Variants in RBFOX1 observed in about 807,000 individuals in gnomAD.
The protein encoded by RBFOX1 is RNA binding fox-1 homolog 1.
A neutral mutation model predicts 57.7 loss-of-function variants in RBFOX1; 8 were observed. That is an observed-to-expected ratio of 0.14 (90% CI 0.08 to 0.25). The LOEUF is 0.25. Among genes scored for constraint, RBFOX1 ranks in the 10% least tolerant of loss-of-function variants. RBFOX1 has a pLI of 1.00. For synonymous variants in RBFOX1, 326 were observed against 222.4 expected (o/e 1.47, Z -4.15); for missense variants, 611 against 548.5 (o/e 1.11, Z -1.14).
chr16:5,801,858 G>A (rs2055067512), intron 3 of RBFOX1, among the ~76,000 whole-genome samples: 1 of 152,156 alleles, frequency 6.6e-6, no homozygotes, highest in Non-Finnish European at 1.5e-5. Flanking sequence ...CAGTTTTGCT[G>A]GTTATGGAAG....
At chr16:7,430,180 G>A (rs28656821) in intron 4 of RBFOX1, among the ~76,000 whole-genome samples, 3,908 of 152,226 alleles carry the variant, frequency 0.026, 158 homozygotes, top group African/African-American at 0.088. Flanking sequence ...AAATATTTTT[G>A]GATAAATAAT....
chr16:5,637,262 G>A (rs948324517), intron 3 of RBFOX1, among the ~76,000 whole-genome samples: 4 of 152,146 alleles, frequency 2.6e-5, no homozygotes, highest in Admixed American at 2.0e-4. Context: ...TTGGGCCATC[G>A]TACAAGGTGG....
chr16:7,664,813 C>A (rs141719602), intron 12 of RBFOX1, 116 bp from the exon 13 acceptor site: 1 of 1,581,076 alleles, frequency 6.3e-7, no homozygotes, highest in Non-Finnish European at 8.7e-7. Flanking sequence ...AAACGATCCT[C>A]GGTTCCTGTG....
chr16:5,334,445 T>G (rs1467399936), intron 1 of RBFOX1, among the ~76,000 whole-genome samples: 1 of 152,088 alleles, frequency 6.6e-6, no homozygotes, highest in African/African-American at 2.4e-5. Context: ...ATTCTCTCTC[T>G]GGGGTTGTCT....
At chr16:6,444,344 T>G (rs1443107953) in intron 2 of RBFOX1, among the ~76,000 whole-genome samples, 1 of 152,168 alleles carries the variant, frequency 6.6e-6, no homozygotes, top group African/African-American at 2.4e-5. Context: ...ATGGTTTGGC[T>G]GTGACCCCAC....
rs1034337950 is a variant in RBFOX1 at position 7,221,363 on chromosome 16, ATTTT to A, written c.27+169269_27+169272del. 8.2e-3 allele frequency among the ~76,000 whole-genome samples: 1,205 copies of A among 146,516 alleles called. 6 individuals are homozygous for A. The highest frequency in any genetic ancestry group is 0.021 in the Middle Eastern group (6 of 292). On this transcript the variant is annotated intron_variant, in intron 4 of 15. Transcript: ENST00000550418. ...TATTTGATTATTTATTTATTTATTTATTTTTTTATTTATTTATTTATGAGACAGA... is the reference window on the plus strand; with the variant it reads ...TATTTGATTATTTATTTATTTATTTATTTATTTATTTATTTATGAGACAGA...
chr16:6,363,381 C>A (rs2088972177), intron 2 of RBFOX1, among the ~76,000 whole-genome samples: 2 of 152,174 alleles, frequency 1.3e-5, no homozygotes, highest in Non-Finnish European at 2.9e-5. Context: ...TACCCTAAAT[C>A]TTTGCTTGCA....
chr16:7,479,250 A>G (rs2063389959), intron 4 of RBFOX1, among the ~76,000 whole-genome samples: 1 of 151,636 alleles, frequency 6.6e-6, no homozygotes, highest in South Asian at 2.1e-4. Context: ...CAGCCTCCCG[A>G]GTCGCTGGGA....
chr16:5,293,800 G>T (rs546872641), intron 1 of RBFOX1, among the ~76,000 whole-genome samples: 1 of 151,888 alleles, frequency 6.6e-6, no homozygotes, highest in Non-Finnish European at 1.5e-5. Context: ...TTATTTTTTG[G>T]GGGGGCGGGG....
intron 3 of RBFOX1, among the ~76,000 whole-genome samples, chr16:6,684,308 T>C (rs1443011533): frequency 6.6e-6 from 1 of 152,184 alleles, no homozygotes; most frequent in Non-Finnish European, 1.5e-5. Flanking sequence ...AGCCACTGTT[T>C]TAATTAGCTA....
chr16:6,565,390 T>A (rs2097249629), intron 2 of RBFOX1, among the ~76,000 whole-genome samples: 1 of 152,100 alleles, frequency 6.6e-6, no homozygotes, highest in African/African-American at 2.4e-5. Context: ...CCCAAGTAGC[T>A]GGAACTACAG....
chr16:5,353,307 G>A (rs1227729253), intron 1 of RBFOX1, among the ~76,000 whole-genome samples: 1 of 151,992 alleles, frequency 6.6e-6, no homozygotes, highest in Admixed American at 6.6e-5. Context: ...GAGCCCGGGA[G>A]GCAGAGGTTG....
intron 3 of RBFOX1, among the ~76,000 whole-genome samples, chr16:5,663,043 T>A (rs7193410): frequency 6.6e-6 from 1 of 151,848 alleles, no homozygotes; most frequent in Non-Finnish European, 1.5e-5. Context: ...CTGGAGAAAT[T>A]TTTGATTGTC....
At chr16:5,612,459 A>C (rs939948628) in intron 3 of RBFOX1, among the ~76,000 whole-genome samples, 1 of 152,158 alleles carries the variant, frequency 6.6e-6, no homozygotes, top group Non-Finnish European at 1.5e-5. Flanking sequence ...CAGTTTAGTG[A>C]GACAGAGATT....
At chr16:7,448,016 C>T (rs1375893548) in intron 4 of RBFOX1, among the ~76,000 whole-genome samples, 1 of 152,166 alleles carries the variant, frequency 6.6e-6, no homozygotes, top group Non-Finnish European at 1.5e-5. Flanking sequence ...GAAACACCCA[C>T]CCTCCTTTCT....
chr16:5,428,146 G>GTGTT (rs1491051064), intron 1 of RBFOX1, among the ~76,000 whole-genome samples: 2 of 147,424 alleles, frequency 1.4e-5, no homozygotes, highest in East Asian at 2.1e-4. Flanking sequence ...GTGTGTGTGT[G>GTGTT]TATGTGTGTA....
chr16:6,853,052 C>G (rs373996229), intron 3 of RBFOX1, among the ~76,000 whole-genome samples: 1 of 152,238 alleles, frequency 6.6e-6, no homozygotes, highest in East Asian at 1.9e-4. Flanking sequence ...TGCCAGGCAA[C>G]CCAGAGACAG....
At chr16:6,419,136 C>A (rs2093705771) in intron 2 of RBFOX1, among the ~76,000 whole-genome samples, 1 of 152,166 alleles carries the variant, frequency 6.6e-6, no homozygotes, top group Non-Finnish European at 1.5e-5. Context: ...ATTTTCTAAA[C>A]CTTTTTCCAA....
intron 2 of RBFOX1, among the ~76,000 whole-genome samples, chr16:6,597,370 C>T (rs574561043): frequency 6.6e-6 from 1 of 152,082 alleles, no homozygotes; most frequent in East Asian, 1.9e-4. Flanking sequence ...AATATCCTAG[C>T]CTCCTTTAAA....
Sources: gnomAD v4.1 joint callset for allele counts (sites outside exome capture counted in the v4.1 genomes callset) on GRCh38, gnomAD v4.1.1 for gene constraint, MANE v1.5 for transcripts, NCBI Gene and HGNC (gene_info 2026-07-23, HGNC 2026-07-21) for gene names.